The following WDR64 variants were observed in gnomAD, a reference collection of about 807,000 sequenced individuals.
WDR64 encodes the protein WD repeat-containing protein 64.
WDR64 carries 112 observed loss-of-function variants against 139.3 expected under a neutral mutation model. The observed-to-expected ratio is 0.80, with a 90% confidence interval of 0.69 to 0.94. The LOEUF is 0.94. WDR64 is among the 40% of genes least tolerant of loss of function. The pLI is 0.00. For missense variants in WDR64, 1,206 were observed against 1,293.1 expected (o/e 0.93, Z 1.03); for synonymous variants, 444 against 437.7 (o/e 1.01, Z -0.18).
chr1:241,777,373 T>A (rs1243064362), intron 21 of WDR64, among the ~76,000 whole-genome samples: 4 of 152,074 alleles, frequency 2.6e-5, no homozygotes, highest in Non-Finnish European at 5.9e-5. Flanking sequence ...ATGTGAGCAA[T>A]GCTCTCGCTG....
intron 9 of WDR64, among the ~76,000 whole-genome samples, chr1:241,714,838 G>T (rs1435675935): frequency 1.3e-5 from 2 of 152,086 alleles, no homozygotes; most frequent in Non-Finnish European, 2.9e-5. Context: ...GCTCCCTTTT[G>T]CTCATTTTCC....
In WDR64 at chr1:241,656,880, G is replaced by GTGTA. The variant is rs200219507; in HGVS notation, c.146-3647_146-3646insATGT. On this transcript the variant is annotated intron_variant, in intron 1 of 27. Transcript: ENST00000437684. This position sits in a 1 kb window ranked among gnomAD's most constrained non-coding sequence, Gnocchi z 4.3. ...AGTCTTTGCCAAATGTTGTGTGTGT[G>GTGTA]TGTGTGTGTGTGTGTGTGTGTGTGT... 0.062 allele frequency among the ~76,000 whole-genome samples: 8,738 copies of GTGTA among 139,946 alleles called. 394 individuals are homozygous for GTGTA. The highest frequency in any genetic ancestry group is 0.16 in the East Asian group (686 of 4,296). The allele number at this position is 139,946 out of a possible 152,430, so 91.8% of individuals were successfully genotyped here.
chr1:241,720,481 T>A (rs1489618891), intron 9 of WDR64, among the ~76,000 whole-genome samples: 2 of 152,210 alleles, frequency 1.3e-5, no homozygotes, highest in Non-Finnish European at 2.9e-5. Flanking sequence ...TCTGGACTTT[T>A]TAATAATCAC....
chr1:241,725,457 C>A (rs1459017238), intron 10 of WDR64, among the ~76,000 whole-genome samples: 2 of 152,062 alleles, frequency 1.3e-5, no homozygotes, highest in Admixed American at 1.3e-4. Flanking sequence ...CTCATACACC[C>A]TCTACCCGAT....
At chr1:241,687,867 A>G (rs1212751054) in intron 8 of WDR64, among the ~76,000 whole-genome samples, 1 of 152,228 alleles carries the variant, frequency 6.6e-6, no homozygotes, top group Non-Finnish European at 1.5e-5. Context: ...CATCTATAAC[A>G]TATTTCAAAA....
intron 16 of WDR64, among the ~76,000 whole-genome samples, chr1:241,768,820 C>G (rs1282928195): frequency 1.3e-5 from 2 of 152,198 alleles, no homozygotes; most frequent in African/African-American, 4.8e-5. Context: ...ACCTTGGAAT[C>G]TGGGTCAACA....
intron 6 of WDR64, among the ~76,000 whole-genome samples, chr1:241,680,180 A>G (rs948793972): frequency 6.6e-6 from 1 of 152,184 alleles, no homozygotes; most frequent in Non-Finnish European, 1.5e-5. Flanking sequence ...ACGGGGACTC[A>G]GGGAGGGTGA....
chr1:241,801,314 ATCAGTCATC>A lies in WDR64; in HGVS notation c.*102_*110del, dbSNP rs878926362. On this transcript the variant is annotated 3_prime_UTR_variant, in exon 28 of 28. Coordinates refer to ENST00000437684, the MANE Select transcript of WDR64 (RefSeq NM_001367482.1). Reference sequence around the variant, plus strand: ...TGAGAGGGAGAAACCACCAGACACTATCAGTCATCTCTGGTGTCAGGCCATCCTATTGAT... The same window carrying A: ...TGAGAGGGAGAAACCACCAGACACTATCTGGTGTCAGGCCATCCTATTGAT... The A allele has an allele frequency of 3.1e-5, 32 of 1,046,742 alleles. No homozygotes were observed. The highest frequency in any genetic ancestry group is 2.4e-4 in the South Asian group (17 of 71,342). 64.8% of individuals were successfully genotyped at this position (1,046,742 alleles called of 1,614,324 possible). A position where few individuals can be genotyped will look rare whatever the true frequency, so the allele number is the denominator to read the frequency against.
chr1:241,691,904 T>C (rs910381670), intron 8 of WDR64, among the ~76,000 whole-genome samples: 1 of 151,638 alleles, frequency 6.6e-6, no homozygotes, highest in African/African-American at 2.4e-5. Context: ...TCTCAGCTAC[T>C]TGGGAGACTG....
In WDR64 at chr1:241,780,121, C is replaced by T. The variant is rs1658793898; in HGVS notation, c.2595+59C>T. 45 of 1,367,438 alleles carry T rather than the reference C, an allele frequency of 3.3e-5. 2 individuals carry two copies. The Middle Eastern group carries it at 2.0e-3, about 60-fold the overall frequency. The allele number at this position is 1,367,438 out of a possible 1,614,324, so 84.7% of individuals were successfully genotyped here. On this transcript the variant is annotated intron_variant, in intron 22 of 27. Coordinates refer to ENST00000437684, the MANE Select transcript of WDR64 (RefSeq NM_001367482.1). ...GTCAGCATATATTTATTGAGCATTT[C>T]TCTGTGCTAGACACCATAAAGGATA...
rs537607404 is a variant in WDR64 at position 241,768,786 on chromosome 1, T to C, written c.2082-618T>C. 2.6e-5 allele frequency among the ~76,000 whole-genome samples: 4 copies of C among 152,274 alleles called. No individual in the cohort carries two copies. The East Asian group carries it at 5.8e-4, about 22-fold the overall frequency. ...AGGGACTATTCCCCTGTTCCTAGGATGGTGCCTACAAAGTTCAGTGTTGAC... is the reference window on the plus strand; with the variant it reads ...AGGGACTATTCCCCTGTTCCTAGGACGGTGCCTACAAAGTTCAGTGTTGAC... On this transcript the variant is annotated intron_variant, in intron 16 of 27. Coordinates refer to ENST00000437684, the MANE Select transcript of WDR64 (RefSeq NM_001367482.1).
intron 8 of WDR64, among the ~76,000 whole-genome samples, chr1:241,700,943 C>T (rs1667687343): frequency 6.6e-6 from 1 of 152,140 alleles, no homozygotes; most frequent in Non-Finnish European, 1.5e-5. Flanking sequence ...TACCCCAACA[C>T]CAGAGAAAAG....
At chr1:241,717,116 A>T (rs1255379064) in intron 9 of WDR64, among the ~76,000 whole-genome samples, 1 of 152,210 alleles carries the variant, frequency 6.6e-6, no homozygotes, top group Non-Finnish European at 1.5e-5. Context: ...ACATCTTGAC[A>T]ATTCCCAATG....
At chr1:241,725,457 C>T (rs1459017238) in intron 10 of WDR64, among the ~76,000 whole-genome samples, 1 of 152,062 alleles carries the variant, frequency 6.6e-6, no homozygotes, top group African/African-American at 2.4e-5. Flanking sequence ...CTCATACACC[C>T]TCTACCCGAT....
At chr1:241,765,052 T>G (rs1658093486) in intron 15 of WDR64, among the ~76,000 whole-genome samples, 1 of 151,588 alleles carries the variant, frequency 6.6e-6, no homozygotes, top group African/African-American at 2.4e-5. Context: ...CCAGGCATGG[T>G]AGCACCCACC....
intron 22 of WDR64, among the ~76,000 whole-genome samples, chr1:241,780,619 A>G (rs1458629598): frequency 6.6e-6 from 1 of 152,130 alleles, no homozygotes; most frequent in Admixed American, 6.5e-5. Flanking sequence ...TTTTTGGATC[A>G]CAAGTATTAA....
At chr1:241,738,609 A>G in intron 11 of WDR64, 120 bp downstream of exon 11, 1 of 1,045,584 alleles carries the variant, frequency 9.6e-7, no homozygotes, top group Admixed American at 3.1e-5. Context: ...TTATCAAACC[A>G]TGATTCGTGA....
In WDR64 at chr1:241,720,738, A is replaced by G. The variant is rs544351014; in HGVS notation, c.1055-2559A>G. On this transcript the variant is annotated intron_variant, in intron 9 of 27. Coordinates refer to ENST00000437684, the MANE Select transcript of WDR64 (RefSeq NM_001367482.1). ...GGATAGATTGCAAAAATTTTCTCCC[A>G]TTCTGTAGGTTGTCTGTCCACTCTG... is the stretch of plus-strand genomic sequence containing the variant. Among the ~76,000 whole-genome samples the G allele has an allele frequency of 7.9e-5, 12 of 152,242 alleles. No individual in the cohort carries two copies. In the South Asian group the frequency reaches 1.2e-3, roughly 16 times the overall value.
chr1:241,689,402 A>G (rs1443131015), intron 8 of WDR64, among the ~76,000 whole-genome samples: 1 of 152,224 alleles, frequency 6.6e-6, no homozygotes, highest in Non-Finnish European at 1.5e-5. Flanking sequence ...AGAAAGATAT[A>G]CTATGCTAAA....
Sources: allele counts gnomAD v4.1 joint callset (sites outside exome capture counted in the v4.1 genomes callset), GRCh38; gene constraint gnomAD v4.1.1; non-coding constraint Gnocchi (gnomAD v3.1); transcripts MANE v1.5; gene names NCBI Gene and HGNC (gene_info 2026-07-23, HGNC 2026-07-21).